Variants in OSBPL1A observed in about 807,000 individuals in gnomAD.
The protein encoded by OSBPL1A is oxysterol-binding protein-related protein 1.
In OSBPL1A, 80 loss-of-function variants were observed where a neutral mutation model predicts 137.1. The ratio of observed to expected loss-of-function variants is 0.58; its 90% confidence interval spans 0.49 to 0.70. The LOEUF is 0.70. Ranked by LOEUF, OSBPL1A falls within the 30% of genes least tolerant of loss-of-function variation. OSBPL1A has a pLI of 0.00. For synonymous variants in OSBPL1A, 365 were observed against 389.7 expected (o/e 0.94, Z 0.75); for missense variants, 970 against 1,129.4 (o/e 0.86, Z 2.02).
At chr18:24,357,655 C>T (rs1383189254) in intron 4 of OSBPL1A, 3 of 152,100 alleles carry the variant, frequency 2.0e-5, no homozygotes, top group African/African-American at 7.2e-5. Context: ...CCTTTCATAA[C>T]ATCATGCTAA....
rs544953195 is a variant in OSBPL1A, at chr18:24,380,079, C to T, written c.-2-2544G>A. Among the ~76,000 whole-genome samples the T allele has an allele frequency of 1.2e-4, 18 of 152,184 alleles. No individual in the cohort carries two copies. In the South Asian group the frequency reaches 3.7e-3, roughly 32 times the overall value. On this transcript the variant is annotated intron_variant, in intron 1 of 27. Coordinates refer to ENST00000319481, the MANE Select transcript of OSBPL1A (RefSeq NM_080597.4). ...GACTTCTCTATCACAACATAAGCAT[C>T]CAAAAGACAACAAAGCAATACCTAA...
At chr18:24,296,976 CCTT>C (rs1032208157) in intron 14 of OSBPL1A, among the ~76,000 whole-genome samples, 2 of 151,964 alleles carry the variant, frequency 1.3e-5, no homozygotes, top group African/African-American at 4.8e-5. Flanking sequence ...TTCGTTGTGT[CCTT>C]CTCTGGTTTT....
intron 4 of OSBPL1A, among the ~76,000 whole-genome samples, chr18:24,351,994 T>C (rs747567775): frequency 6.6e-6 from 1 of 152,044 alleles, no homozygotes; most frequent in Non-Finnish European, 1.5e-5. Flanking sequence ...AAAGGTGAAG[T>C]AGCTTTGGCA....
rs1169784372 is a variant in OSBPL1A, at chr18:24,250,174, GTTTGTTTGTTTGTTT to G, written c.1282-10807_1282-10793del. On this transcript the variant is annotated intron_variant, in intron 15 of 27. Coordinates refer to ENST00000319481, the MANE Select transcript of OSBPL1A (RefSeq NM_080597.4). ...TGTGTTTTTGTTTGTTTGTTTGTTT[GTTTGTTTGTTTGTTT>G]TTTTTGACATGGAGTCTCACTCCGT... 1.9e-4 allele frequency among the ~76,000 whole-genome samples: 14 copies of G among 75,368 alleles called. 2 individuals are homozygous for G. Among genetic ancestry groups the G allele is most frequent in the Admixed American group, 5.2e-4 (3 of 5,790 alleles). The allele number at this position is 75,368 out of a possible 152,430, so 49.4% of individuals were successfully genotyped here.
At chr18:24,246,021 C>T (rs942374070) in intron 15 of OSBPL1A, among the ~76,000 whole-genome samples, 1 of 151,858 alleles carries the variant, frequency 6.6e-6, no homozygotes, top group African/African-American at 2.4e-5. Flanking sequence ...ACCAGCCTGA[C>T]CAACATGGCA....
intron 4 of OSBPL1A, among the ~76,000 whole-genome samples, chr18:24,352,895 C>T (rs184839589): frequency 0.31 from 47,128 of 151,752 alleles, 7,431 homozygotes; most frequent in African/African-American, 0.34. Context: ...CCCTTCCTTA[C>T]ACCTTATACA....
intron 18 of OSBPL1A, among the ~76,000 whole-genome samples, chr18:24,192,786 A>C (rs2086923119): frequency 6.6e-6 from 1 of 152,206 alleles, no homozygotes; most frequent in Admixed American, 6.5e-5. Context: ...CTGGCAGATA[A>C]GAATATGTAC....
At position 24,293,118 on chromosome 18, in the gene OSBPL1A, A is replaced by G. The variant is rs1341031254; in HGVS notation, c.1174+10519T>C. On this transcript the variant is annotated intron_variant, in intron 14 of 27. Transcript: ENST00000319481. ...GACTCCCGTCTCAAAAAAAAAAAAA[A>G]AAAAAAAAAAGAAAAGAAAAGAAAA... is the stretch of plus-strand genomic sequence containing the variant. Among the ~76,000 whole-genome samples the G allele has an allele frequency of 1.5e-4, 22 of 146,246 alleles. 1 individual carries two copies. Among genetic ancestry groups the G allele is most frequent in the African/African-American group, 5.1e-4 (20 of 39,166 alleles).
chr18:24,344,159 G>A (rs7230975), intron 4 of OSBPL1A, among the ~76,000 whole-genome samples: 2,186 of 152,264 alleles, frequency 0.014, 46 homozygotes, highest in African/African-American at 0.044. Flanking sequence ...TTTCTCCAAA[G>A]AAGATGTACA....
Position 24,172,419 on chromosome 18 carries a change from G to C in OSBPL1A, c.2158C>G (p.Leu720Val). The change falls in exon 22 of 28, where the codon CTG becomes GTG. Residue 720 changes from leucine (L) to valine (V), a missense_variant. Leu to Val is a conservative substitution (Grantham distance 32). Transcript: ENST00000319481. ...CCVHNIIVGK[L>V]WIEQYGNVEI... Reference sequence around the variant, plus strand: ...ACATTGCCATACTGTTCGATCCACAGTTTACCCACAATGATATTATGCACA... The same window carrying C: ...ACATTGCCATACTGTTCGATCCACACTTTACCCACAATGATATTATGCACA... 1 of 1,614,102 alleles carries C rather than the reference G, an allele frequency of 6.2e-7. No individual in the cohort carries two copies. Among genetic ancestry groups the C allele is most frequent in the Non-Finnish European group, 8.5e-7 (1 of 1,179,966 alleles).
intron 27 of OSBPL1A, among the ~76,000 whole-genome samples, 153 bp from the exon 28 acceptor site, chr18:24,163,434 C>T (rs1022737861): frequency 9.2e-5 from 14 of 152,130 alleles, no homozygotes; most frequent in African/African-American, 3.1e-4. Flanking sequence ...TGTATTTCTG[C>T]TTAGGTAGGG....
At chr18:24,318,579 T>C in intron 9 of OSBPL1A, 22 bp downstream of exon 9, 2 of 1,590,064 alleles carry the variant, frequency 1.3e-6, no homozygotes, top group Non-Finnish European at 1.7e-6. Flanking sequence ...AGTTATATAA[T>C]TAAAAAACCA....
intron 16 of OSBPL1A, among the ~76,000 whole-genome samples, chr18:24,235,328 A>G (rs1285841354): frequency 6.6e-6 from 1 of 152,230 alleles, no homozygotes; most frequent in Non-Finnish European, 1.5e-5. Context: ...ACAAATATGT[A>G]TTAGTTAATT....
At chr18:24,239,409 G>A in intron 15 of OSBPL1A, 27 bp from the exon 16 acceptor site, 1 of 1,601,638 alleles carries the variant, frequency 6.2e-7, no homozygotes, top group Non-Finnish European at 8.5e-7. Flanking sequence ...ATACAGAAAA[G>A]ACTTCAGAGT....
Position 24,190,717 on chromosome 18 carries a change from T to C in OSBPL1A, c.1677+5408A>G, listed in dbSNP as rs143277841. Among the ~76,000 whole-genome samples, 633 of 152,378 alleles carry C rather than the reference T, an allele frequency of 4.2e-3. 3 individuals carry two copies. Among genetic ancestry groups the C allele is most frequent in the African/African-American group, 0.013 (549 of 41,584 alleles). On this transcript the variant is annotated intron_variant, in intron 18 of 27. Transcript: ENST00000319481. ...AGTTGGTATTTATAACATGCCAGAT[T>C]TGGCAAAGCTCCAAACCTTATCTAG...
chr18:24,186,434 A>G (rs1051478359), intron 18 of OSBPL1A, among the ~76,000 whole-genome samples: 2 of 152,220 alleles, frequency 1.3e-5, no homozygotes, highest in African/African-American at 4.8e-5. Context: ...TAATCTTGTT[A>G]AATATGTTTT....
intron 14 of OSBPL1A, among the ~76,000 whole-genome samples, chr18:24,290,928 C>G (rs766217600): frequency 6.6e-6 from 1 of 152,074 alleles, no homozygotes. Flanking sequence ...GAAACTGAAG[C>G]CCCTAGCTTG....
intron 17 of OSBPL1A, among the ~76,000 whole-genome samples, chr18:24,197,712 A>G (rs1183960174): frequency 1.3e-5 from 2 of 151,912 alleles, no homozygotes; most frequent in Non-Finnish European, 2.9e-5. Context: ...GCCATTATCT[A>G]TGCTTTGCAT....
chr18:24,167,168 G>A lies in OSBPL1A; in HGVS notation c.2535+161C>T, dbSNP rs375105849. On this transcript the variant is annotated intron_variant, in intron 25 of 27. Coordinates refer to ENST00000319481, the MANE Select transcript of OSBPL1A (RefSeq NM_080597.4). Reference sequence around the variant, plus strand: ...GGACAGCATGATGCACTTACGACGCGCTGAGCTCAGGCAAGAAGGGAGCAC... The same window carrying A: ...GGACAGCATGATGCACTTACGACGCACTGAGCTCAGGCAAGAAGGGAGCAC... Among the ~76,000 whole-genome samples, 8 of 152,246 alleles carry A rather than the reference G, an allele frequency of 5.3e-5. No individual in the cohort carries two copies. The East Asian group carries it at 5.8e-4, about 11-fold the overall frequency.
Sources: allele counts gnomAD v4.1 joint callset (sites outside exome capture counted in the v4.1 genomes callset), GRCh38; gene constraint gnomAD v4.1.1; transcripts MANE v1.5; gene names NCBI Gene and HGNC (gene_info 2026-07-23, HGNC 2026-07-21).